Variants in EPB41 observed in about 807,000 individuals in gnomAD.
EPB41 encodes erythrocyte membrane protein band 4.1.
Under a neutral mutation model 108.0 loss-of-function variants are expected in EPB41, and 65 were observed. The ratio of observed to expected loss-of-function variants is 0.60; its 90% confidence interval spans 0.49 to 0.74. EPB41 has a LOEUF of 0.74. Among genes scored for constraint, EPB41 ranks in the 30% least tolerant of loss-of-function variants. The pLI is 0.00. For missense variants in EPB41, 875 were observed against 1,037.0 expected, an observed-to-expected ratio of 0.84 and a Z score of 2.15; for synonymous variants, 336 against 358.9, an observed-to-expected ratio of 0.94 and a Z score of 0.72.
intron 1 of EPB41, among the ~76,000 whole-genome samples, chr1:28,951,530 C>T (rs2094721232): frequency 6.6e-6 from 1 of 152,058 alleles, no homozygotes; most frequent in African/African-American, 2.4e-5. Context: ...CAGAAGTTGT[C>T]CAGGAAAAAG....
chr1:29,096,103 C>T, intron 16 of EPB41: 1 of 959,558 alleles, frequency 1.0e-6, no homozygotes. Context: ...AGAGTTCATT[C>T]TCCCACTTAT....
intron 9 of EPB41, among the ~76,000 whole-genome samples, chr1:29,035,060 C>A (rs1638937346): frequency 6.8e-6 from 1 of 147,284 alleles, no homozygotes; most frequent in East Asian, 2.2e-4. Flanking sequence ...CAGCTCACCG[C>A]AACCTCTACC....
chr1:29,015,130 G>A (rs1317536366), intron 5 of EPB41, among the ~76,000 whole-genome samples: 1 of 152,242 alleles, frequency 6.6e-6, no homozygotes, highest in East Asian at 1.9e-4. Context: ...TAAATCAAAC[G>A]ATTATATTAA....
At chr1:29,114,289 C>T (rs939745546) in intron 19 of EPB41, among the ~76,000 whole-genome samples, 1 of 152,114 alleles carries the variant, frequency 6.6e-6, no homozygotes. Flanking sequence ...AAACAGGGAC[C>T]CCCTCAGAAA....
rs912272927 is a variant in EPB41, at chr1:28,890,869, G to A, written c.-8+3659G>A. 6.2e-6 allele frequency: 6 copies of A among 962,282 alleles called. No individual in the cohort carries two copies. The African/African-American group carries it at 7.1e-5, about 11-fold the overall frequency. 59.6% of individuals were successfully genotyped at this position (962,282 alleles called of 1,614,324 possible). A position where few individuals can be genotyped will look rare whatever the true frequency, so the allele number is the denominator to read the frequency against. On this transcript the variant is annotated intron_variant, in intron 1 of 16. Transcript: ENST00000347529. ...CTAAGAGTGGGAGCCTCCACCCCAC[G>A]GGTACTGAGGTGCCCACATTGCTCA...
rs966123879 is a variant in EPB41 at position 29,018,947 on chromosome 1, T to C, written c.1124+505T>C. ...AAATGATTGGTAATGCTGGGAGTTA[T>C]CAAGTGATCAAGAACAAGAGTTTAC... On this transcript the variant is annotated intron_variant, in intron 7 of 20. Transcript: ENST00000343067. The surrounding 1 kb of genome is among the most constrained non-coding windows in gnomAD (Gnocchi z 4.4). Among the ~76,000 whole-genome samples the C allele has an allele frequency of 4.6e-5, 7 of 152,308 alleles. No individual in the cohort carries two copies. The highest frequency in any genetic ancestry group is 1.7e-4 in the African/African-American group (7 of 41,548).
At chr1:29,045,719 T>A (rs1466829684) in intron 11 of EPB41, among the ~76,000 whole-genome samples, 1 of 146,988 alleles carries the variant, frequency 6.8e-6, no homozygotes, top group Non-Finnish European at 1.5e-5. Flanking sequence ...ATGCCTATAA[T>A]CCCAGTACTT....
At chr1:28,993,304 G>T in intron 2 of EPB41, 26 bp from the exon 3 acceptor site, 1 of 1,585,412 alleles carries the variant, frequency 6.3e-7, no homozygotes, top group South Asian at 1.1e-5. Flanking sequence ...GTTTATTACT[G>T]ACTTGGCGAT....
At chr1:28,897,602 G>GCGGA in intron 1 of EPB41, among the ~76,000 whole-genome samples, 1 of 80,478 alleles carries the variant, frequency 1.2e-5, no homozygotes. Context: ...GGGAAGGGAA[G>GCGGA]GGGAGGGGAG....
At chr1:28,908,119 T>C (rs932088676) in intron 1 of EPB41, among the ~76,000 whole-genome samples, 1 of 150,660 alleles carries the variant, frequency 6.6e-6, no homozygotes, top group Non-Finnish European at 1.5e-5. Context: ...CTAGTTGTTA[T>C]GGCTGGGCAC....
At chr1:28,943,311 A>G (rs1369096008) in intron 1 of EPB41, among the ~76,000 whole-genome samples, 1 of 152,252 alleles carries the variant, frequency 6.6e-6, no homozygotes, top group African/African-American at 2.4e-5. Flanking sequence ...ACAAACAGGC[A>G]TATGAAAAGG....
At chr1:29,100,712 ATATAAT>A (rs920914343) in intron 17 of EPB41, among the ~76,000 whole-genome samples, 4 of 146,780 alleles carry the variant, frequency 2.7e-5, no homozygotes, top group Non-Finnish European at 6.0e-5. Flanking sequence ...TTAATACAAC[ATATAAT>A]TATATTAAAT....
At chr1:29,010,351 A>T (rs188644500) in intron 4 of EPB41, among the ~76,000 whole-genome samples, 2 of 152,268 alleles carry the variant, frequency 1.3e-5, no homozygotes, top group African/African-American at 4.8e-5. Flanking sequence ...TAAATAAATA[A>T]AATGCCACTG....
intron 1 of EPB41, among the ~76,000 whole-genome samples, chr1:28,933,480 A>G (rs757051366): frequency 1.3e-5 from 2 of 152,134 alleles, no homozygotes; most frequent in Non-Finnish European, 1.5e-5. Context: ...ACTCTCTTCT[A>G]TTGTGGTTAG....
chr1:28,910,443 G>A (rs999977519), upstream of EPB41, among the ~76,000 whole-genome samples: 1 of 152,080 alleles, frequency 6.6e-6, no homozygotes, highest in Non-Finnish European at 1.5e-5. Flanking sequence ...TTGTTGGTGG[G>A]CCCAGCTTTT....
intron 17 of EPB41, among the ~76,000 whole-genome samples, chr1:29,099,586 C>T (rs974194705): frequency 5.9e-5 from 9 of 152,154 alleles, no homozygotes; most frequent in African/African-American, 2.2e-4. Context: ...CCAAGATGTG[C>T]CACTATGCCC....
chr1:29,102,020 CGAGA>C (rs1037290133), intron 17 of EPB41, among the ~76,000 whole-genome samples: 16 of 151,992 alleles, frequency 1.1e-4, no homozygotes, highest in African/African-American at 3.9e-4. Flanking sequence ...ATGTGTCAGT[CGAGA>C]GAGACAGAGA....
chr1:28,987,412 T>C lies in EPB41; in HGVS notation c.-7-19T>C, dbSNP rs1156304526. 1.9e-6 allele frequency: 3 copies of C among 1,611,420 alleles called. No homozygotes were observed. In the African/African-American group the frequency reaches 4.0e-5, roughly 22 times the overall value. On this transcript the variant is annotated intron_variant, in intron 1 of 20. Coordinates refer to ENST00000343067, the MANE Select transcript of EPB41 (RefSeq NM_001376013.1). ...GTTTTGCTTATAAGAGCCCCCCTTT[T>C]CTATCTTCTTTTTAATAGCAACATC...
intron 7 of EPB41, among the ~76,000 whole-genome samples, chr1:29,024,853 G>A (rs554191332): frequency 6.6e-6 from 1 of 152,100 alleles, no homozygotes; most frequent in East Asian, 1.9e-4. Flanking sequence ...ATGGATCGCC[G>A]TGACCAGAAC....
Sources: gnomAD v4.1 joint callset for allele counts (sites outside exome capture counted in the v4.1 genomes callset) on GRCh38, gnomAD v4.1.1 for gene constraint, Gnocchi (gnomAD v3.1) non-coding constraint, MANE v1.5 for transcripts, NCBI Gene and HGNC (gene_info 2026-07-23, HGNC 2026-07-21) for gene names.